Variants in RNF128 observed in about 807,000 individuals in gnomAD.
RNF128 encodes the protein ring finger protein 128.
A neutral mutation model predicts 26.2 loss-of-function variants in RNF128; 13 were observed. The observed-to-expected ratio is 0.50, with a 90% CI of 0.32 to 0.79. RNF128 has a LOEUF of 0.79. Among genes scored for constraint, RNF128 ranks in the 30% least tolerant of loss-of-function variants. The probability of loss-of-function intolerance (pLI) is 0.03; values close to 1 mark genes in which losing one functional copy is unlikely to be tolerated. For synonymous variants in RNF128, 149 were observed against 142.5 expected (o/e 1.05, Z -0.32); for missense variants, 315 against 349.7 (o/e 0.90, Z 0.79).
chrX:106,795,591 C>T lies in RNF128; in HGVS notation c.1165C>T (p.Gln389Ter). The change falls in exon 7 of 7, where the codon CAG becomes TAG. Residue 389 changes from glutamine (Q) to a stop codon, truncating the protein, a stop_gained. Coordinates refer to ENST00000255499, the MANE Select transcript of RNF128 (RefSeq NM_194463.2). LOFTEE classifies it high-confidence loss of function. ...EHVQSTNESL[Q>*]LVNHEANSVA... Reference sequence around the variant, plus strand: ...ATTTCTTTTTAAAGATGAAAGTCTACAGCTGGTAAACCATGAAGCAAATTC... The same window carrying T: ...ATTTCTTTTTAAAGATGAAAGTCTATAGCTGGTAAACCATGAAGCAAATTC... 1 of 1,194,815 alleles carries T rather than the reference C, an allele frequency of 8.4e-7. No homozygotes were observed. Among genetic ancestry groups the T allele is most frequent in the South Asian group, 1.9e-5 (1 of 52,503 alleles).
At chrX:106,723,355 TCAGGAGTTCGAGAC>T (rs1199277812), upstream of RNF128, among the ~76,000 whole-genome samples, 3 of 110,922 alleles carry the variant, frequency 2.7e-5, no homozygotes, top group Non-Finnish European at 5.7e-5. Flanking sequence ...GATCATGAGG[TCAGGAGTTCGAGAC>T]CAGCCTGGCC....
At chrX:106,733,765 G>A (rs192153980) in intron 1 of RNF128, among the ~76,000 whole-genome samples, 282 of 110,662 alleles carry the variant, frequency 2.5e-3, no homozygotes, top group African/African-American at 9.0e-3. Context: ...CCATGGCGTG[G>A]TCTCAGCTCA....
chrX:106,724,437 T>C (rs1055219338), upstream of RNF128, among the ~76,000 whole-genome samples: 1 of 110,946 alleles, frequency 9.0e-6, no homozygotes, highest in African/African-American at 3.3e-5. Flanking sequence ...AAACCCTGAT[T>C]ATATTACTCC....
chrX:106,777,602 A>G (rs1233279231), intron 2 of RNF128, among the ~76,000 whole-genome samples: 2 of 112,099 alleles, frequency 1.8e-5, no homozygotes, highest in African/African-American at 6.5e-5. Flanking sequence ...CAAGGCCAAT[A>G]TATCCTTTTC....
In RNF128 at chrX:106,727,379, A is replaced by G. The variant is rs1429177343; in HGVS notation, c.466A>G (p.Ile156Val). The G allele has an allele frequency of 1.7e-6, 2 of 1,211,512 alleles. No homozygotes were observed. Among genetic ancestry groups the G allele is most frequent in the Non-Finnish European group, 2.2e-6 (2 of 895,429 alleles). The change falls in exon 1 of 7, where the codon ATC becomes GTC. Residue 156 changes from isoleucine to valine, a missense_variant. By Grantham distance (29) the Ile-to-Val change is conservative (BLOSUM62 3). Transcript: ENST00000255499. ...CTTCCCCGGGACCCGCAATGAGGTC[A>G]TCCCCATGTCTCACCCGGGTGAGTG... ...FNFPGTRNEV[I>V]PMSHPGAVDI...
chrX:106,765,719 GTTTT>G (rs1182964638), intron 1 of RNF128, among the ~76,000 whole-genome samples: 1 of 110,404 alleles, frequency 9.1e-6, no homozygotes, highest in Non-Finnish European at 1.9e-5. Context: ...TATTTTGTTG[GTTTT>G]TTTATTATTA....
intron 4 of RNF128, among the ~76,000 whole-genome samples, chrX:106,789,524 A>G (rs1405823987): frequency 2.9e-5 from 3 of 102,603 alleles, no homozygotes; most frequent in African/African-American, 1.0e-4. Flanking sequence ...TATATACATT[A>G]TACACTATAT....
At chrX:106,788,366 ATATATAT>A (rs61425782) in intron 4 of RNF128, among the ~76,000 whole-genome samples, 621 of 47,726 alleles carry the variant, frequency 0.013, 21 homozygotes, top group African/African-American at 0.065. Context: ...ACTATATATA[ATATATAT>A]TATATATTAT....
chrX:106,753,127 G>A (rs188572079), intron 1 of RNF128, among the ~76,000 whole-genome samples: 418 of 111,502 alleles, frequency 3.7e-3, no homozygotes, highest in Admixed American at 6.2e-3. Context: ...TAGAGAGATC[G>A]AGATAGAAAG....
At chrX:106,766,155 G>T (rs1011661559) in intron 1 of RNF128, among the ~76,000 whole-genome samples, 3 of 111,855 alleles carry the variant, frequency 2.7e-5, no homozygotes, top group Non-Finnish European at 3.8e-5. Flanking sequence ...ATGCTATTGT[G>T]AATAGTGCCG....
intron 6 of RNF128, among the ~76,000 whole-genome samples, chrX:106,792,191 A>G (rs1171746696): frequency 9.0e-6 from 1 of 110,945 alleles, no homozygotes; most frequent in Non-Finnish European, 1.9e-5. Context: ...TCTGTGGATT[A>G]TTCTACCTGT....
At chrX:106,694,374 G>C in exon 1 of RNF128, 10 of 1,200,377 alleles carry the variant, frequency 8.3e-6, no homozygotes, top group Non-Finnish European at 1.1e-5. Flanking sequence ...ATGCTCCAGA[G>C]ACTGGCAATC....
chrX:106,729,555 G>A (rs747366838), intron 1 of RNF128, among the ~76,000 whole-genome samples: 26 of 111,137 alleles, frequency 2.3e-4, no homozygotes, highest in Non-Finnish European at 4.5e-4. Context: ...CTAACTATGG[G>A]TGTTGTGTTT....
intron 1 of RNF128, among the ~76,000 whole-genome samples, chrX:106,768,971 G>A (rs1468083187): frequency 8.9e-6 from 1 of 111,829 alleles, no homozygotes; most frequent in African/African-American, 3.3e-5. Context: ...ATTTTGTTAT[G>A]TACCCATTAG....
chrX:106,733,883 C>G (rs146117399), intron 1 of RNF128, among the ~76,000 whole-genome samples: 3,529 of 110,277 alleles, frequency 0.032, 148 homozygotes, highest in African/African-American at 0.11. Flanking sequence ...ATAGTTTTAG[C>G]AGAGACAGGG....
chrX:106,764,210 C>T (rs746131523), intron 1 of RNF128, among the ~76,000 whole-genome samples: 21 of 108,353 alleles, frequency 1.9e-4, no homozygotes, highest in African/African-American at 6.7e-4. Context: ...CGTGATCCAC[C>T]CACCTCAGCC....
intron 1 of RNF128, among the ~76,000 whole-genome samples, chrX:106,708,613 G>C (rs751429346): frequency 4.5e-5 from 5 of 112,142 alleles, no homozygotes; most frequent in African/African-American, 1.6e-4. Flanking sequence ...CTTTTAAGTA[G>C]TATATAGAAG....
rs1929636625 is a variant in RNF128, at chrX:106,738,401, A to G, written c.484+11004A>G. ...AATACTTCTCCATTGGTTATTATAG[A>G]TATTTACTACCACACTTTGAAATAT... On this transcript the variant is annotated intron_variant, in intron 1 of 6. Coordinates refer to ENST00000255499, the MANE Select transcript of RNF128 (RefSeq NM_194463.2). 3.6e-5 allele frequency among the ~76,000 whole-genome samples: 4 copies of G among 111,772 alleles called. No individual in the cohort carries two copies. The Admixed American group carries it at 3.8e-4, about 11-fold the overall frequency.
intron 4 of RNF128, among the ~76,000 whole-genome samples, chrX:106,788,388 AATAT>A (rs1930711030): frequency 2.2e-5 from 1 of 45,151 alleles, no homozygotes; most frequent in Non-Finnish European, 3.3e-5. Flanking sequence ...TATTATATAT[AATAT>A]ATATTATATA....
Sources: gnomAD v4.1 joint callset for allele counts (sites outside exome capture counted in the v4.1 genomes callset) on GRCh38, gnomAD v4.1.1 for gene constraint, MANE v1.5 for transcripts, NCBI Gene and HGNC (gene_info 2026-07-23, HGNC 2026-07-21) for gene names.